Variants in LRP11 observed in about 807,000 individuals in gnomAD.
LRP11 encodes LDL receptor related protein 11, also known as low-density lipoprotein receptor-related protein 11.
Under a neutral mutation model 43.1 loss-of-function variants are expected in LRP11, and 25 were observed. That is an observed-to-expected ratio of 0.58 (90% CI 0.42 to 0.81). The LOEUF is 0.81. Ranked by LOEUF, LRP11 falls within the 30% of genes least tolerant of loss-of-function variation. The probability of loss-of-function intolerance (pLI) is 0.00; values close to 1 mark genes in which losing one functional copy is unlikely to be tolerated. For missense variants in LRP11, 623 were observed against 665.1 expected (o/e 0.94, Z 0.70); for synonymous variants, 316 against 299.4 (o/e 1.06, Z -0.57).
rs886376838 is a variant in LRP11, at chr6:149,853,127, T to C, written c.647A>G (p.Gln216Arg). 4.4e-6 allele frequency: 7 copies of C among 1,606,172 alleles called. No individual in the cohort carries two copies. The African/African-American group carries it at 5.4e-5, about 12-fold the overall frequency. The change falls in exon 2 of 7, where the codon CAG becomes CGG. Residue 216 changes from glutamine to arginine, a missense_variant. By Grantham distance (43) the Gln-to-Arg change is conservative. Transcript: ENST00000239367. ...KDAPPLSKAG[Q>R]DVVLHLPTDG... Reference sequence around the variant, plus strand: ...TGTGGGCAGATGCAGAACCACATCCTGCCCAGCCTTGCTAAGTGGAGGCGC... The same window carrying C: ...TGTGGGCAGATGCAGAACCACATCCCGCCCAGCCTTGCTAAGTGGAGGCGC...
At position 149,863,808 on chromosome 6, in the gene LRP11, A is replaced by T. The variant is rs753669231; in HGVS notation, c.213T>A (p.Pro71=). The T allele has an allele frequency of 6.7e-7, 1 of 1,503,110 alleles. No individual in the cohort carries two copies. The allele number at this position is 1,503,110 out of a possible 1,614,324, so 93.1% of individuals were successfully genotyped here. A position where few individuals can be genotyped will look rare whatever the true frequency, so the allele number is the denominator to read the frequency against. Residue 71 remains proline, a synonymous_variant, in exon 1 of 7, where the codon CCT becomes CCA. Transcript: ENST00000239367. ...GCAGCTCCAGCTCCAGCTCCTCCTG[A>T]GGCCGCTCCTGCTGCAGTTGCCGGC... ...EFRRQLQQER[P]QEELELELRA...
intron 6 of LRP11, among the ~76,000 whole-genome samples, chr6:149,825,878 A>G (rs1009550395): frequency 1.3e-5 from 2 of 152,094 alleles, no homozygotes; most frequent in Non-Finnish European, 1.5e-5. Context: ...TGAACTCCTG[A>G]GCTCAAGCGA....
At chr6:149,853,820 A>G (rs1776759206) in intron 1 of LRP11, among the ~76,000 whole-genome samples, 1 of 152,158 alleles carries the variant, frequency 6.6e-6, no homozygotes, top group African/African-American at 2.4e-5. Flanking sequence ...CCTTGAAAAG[A>G]TTATTAAAAC....
chr6:149,853,739 T>C (rs1776757766), intron 1 of LRP11, among the ~76,000 whole-genome samples: 2 of 152,220 alleles, frequency 1.3e-5, no homozygotes, highest in African/African-American at 4.8e-5. Flanking sequence ...CTCGAACTCC[T>C]GGCCTCAGGT....
At chr6:149,833,547 G>A (rs1489109457) in intron 5 of LRP11, among the ~76,000 whole-genome samples, 6 of 152,176 alleles carry the variant, frequency 3.9e-5, no homozygotes, top group African/African-American at 1.4e-4. Context: ...GAATAAATAT[G>A]TATATGTGTA....
rs369624767 is a variant in LRP11 at position 149,845,491 on chromosome 6, A to G, written c.772-2367T>C. On this transcript the variant is annotated intron_variant, in intron 2 of 6. Coordinates refer to ENST00000239367, the MANE Select transcript of LRP11 (RefSeq NM_032832.6). ...CACCTGCCTTTTGTTGTTTATTTCAAAGAGATGTTAAGCAGTGCTCACTGC... is the reference window on the plus strand; with the variant it reads ...CACCTGCCTTTTGTTGTTTATTTCAGAGAGATGTTAAGCAGTGCTCACTGC... Among the ~76,000 whole-genome samples, 84 of 152,318 alleles carry G rather than the reference A, an allele frequency of 5.5e-4. 2 individuals carry two copies. The South Asian group carries it at 0.017, about 30-fold the overall frequency.
chr6:149,823,958 C>T (rs1776307128), intron 6 of LRP11, among the ~76,000 whole-genome samples: 1 of 152,174 alleles, frequency 6.6e-6, no homozygotes, highest in African/African-American at 2.4e-5. Context: ...GTAGCTACTA[C>T]TGCCTCCTAG....
intron 6 of LRP11, among the ~76,000 whole-genome samples, chr6:149,821,017 A>T (rs1276247871): frequency 1.4e-5 from 2 of 139,610 alleles, no homozygotes; most frequent in African/African-American, 5.6e-5. Context: ...TGCAACCTCT[A>T]CCTCCTGGGT....
At chr6:149,853,925 AATGGGAAAT>A (rs1236648788) in intron 1 of LRP11, among the ~76,000 whole-genome samples, 1 of 152,190 alleles carries the variant, frequency 6.6e-6, no homozygotes, top group African/African-American at 2.4e-5. Flanking sequence ...GTATTCAATG[AATGGGAAAT>A]ATATTAAGTT....
At position 149,827,507 on chromosome 6, in the gene LRP11, G is replaced by C. The variant is rs187121891; in HGVS notation, c.1253-1148C>G. Among the ~76,000 whole-genome samples, 2,331 of 152,220 alleles carry C rather than the reference G, an allele frequency of 0.015. 69 individuals are homozygous for C. The highest frequency in any genetic ancestry group is 0.053 in the African/African-American group (2,199 of 41,516). On this transcript the variant is annotated intron_variant, in intron 5 of 6. Coordinates refer to ENST00000239367, the MANE Select transcript of LRP11 (RefSeq NM_032832.6). The surrounding 1 kb of genome is among the most constrained non-coding windows in gnomAD (Gnocchi z 4.2). Reference sequence around the variant, plus strand: ...TCATGCCTATAATCCTGGCACTTTGGGGACAGTCTACTGTGTCTTGTTACT... The same window carrying C: ...TCATGCCTATAATCCTGGCACTTTGCGGACAGTCTACTGTGTCTTGTTACT...
At chr6:149,843,322 G>A (rs1776580549) in intron 2 of LRP11, among the ~76,000 whole-genome samples, 198 bp from the exon 3 acceptor site, 1 of 152,164 alleles carries the variant, frequency 6.6e-6, no homozygotes, top group Non-Finnish European at 1.5e-5. Context: ...TATTTAGGTG[G>A]CCAAGGCCTT....
chr6:149,828,446 T>C lies in LRP11; in HGVS notation c.1253-2087A>G, dbSNP rs544434408. ...TTAACCACTGCTTTTATGGTGCAAA[T>C]CTCATGGTGTTGATATCCATATTGA... On this transcript the variant is annotated intron_variant, in intron 5 of 6. Coordinates refer to ENST00000239367, the MANE Select transcript of LRP11 (RefSeq NM_032832.6). Among the ~76,000 whole-genome samples, 3 of 152,132 alleles carry C rather than the reference T, an allele frequency of 2.0e-5. No individual in the cohort carries two copies. The East Asian group carries it at 5.8e-4, about 29-fold the overall frequency.
Position 149,827,185 on chromosome 6 carries a change from CAAGTGATCCGCTCACCTCAGCCTCCCA to C in LRP11, c.1253-853_1253-827del, listed in dbSNP as rs1337215674. Among the ~76,000 whole-genome samples, 1 of 151,986 alleles carries C rather than the reference CAAGTGATCCGCTCACCTCAGCCTCCCA, an allele frequency of 6.6e-6. No homozygotes were observed. Among genetic ancestry groups the C allele is most frequent in the African/African-American group, 2.4e-5 (1 of 41,378 alleles). On this transcript the variant is annotated intron_variant, in intron 5 of 6. Coordinates refer to ENST00000239367, the MANE Select transcript of LRP11 (RefSeq NM_032832.6). This position sits in a 1 kb window ranked among gnomAD's most constrained non-coding sequence, Gnocchi z 4.2. ...TTTTGCCATGTTCCCCAGATGGGCT[CAAGTGATCCGCTCACCTCAGCCTCCCA>C]AAGTGCTGGGATGACAGGCGTGAGC...
chr6:149,851,023 T>TC (rs1776711046), intron 2 of LRP11, among the ~76,000 whole-genome samples: 1 of 152,192 alleles, frequency 6.6e-6, no homozygotes, highest in Non-Finnish European at 1.5e-5. Flanking sequence ...GGATGAGTGT[T>TC]AACTTTGGGT....
At chr6:149,856,931 C>T (rs1280846337) in intron 1 of LRP11, among the ~76,000 whole-genome samples, 1 of 152,122 alleles carries the variant, frequency 6.6e-6, no homozygotes, top group East Asian at 1.9e-4. Flanking sequence ...CGGTCAAAAT[C>T]CATCATGGAT....
intron 2 of LRP11, among the ~76,000 whole-genome samples, chr6:149,849,338 T>C (rs1029622274): frequency 3.9e-5 from 6 of 151,972 alleles, no homozygotes; most frequent in Non-Finnish European, 7.3e-5. Flanking sequence ...ATCTTGCATT[T>C]TGATGTATTA....
intron 1 of LRP11, among the ~76,000 whole-genome samples, chr6:149,859,396 A>ATATATATATATTTTTTTTTTTTTTT: frequency 1.4e-5 from 1 of 71,496 alleles, no homozygotes; most frequent in African/African-American, 8.2e-5. Flanking sequence ...ATATATATAT[A>ATATATATATATTTTTTTTTTTTTTT]TTTTTTTTTT....
In LRP11 at chr6:149,834,131, G is replaced by C. The variant is rs143404148; in HGVS notation, c.1252+1954C>G. 4.6e-5 allele frequency among the ~76,000 whole-genome samples: 7 copies of C among 152,228 alleles called. No individual in the cohort carries two copies. In the East Asian group the frequency reaches 1.4e-3, roughly 29 times the overall value. On this transcript the variant is annotated intron_variant, in intron 5 of 6. Coordinates refer to ENST00000239367, the MANE Select transcript of LRP11 (RefSeq NM_032832.6). Reference sequence around the variant, plus strand: ...TCTAACGTGAGGACATGCAGTATTTGGTTTTCTGTTCCTGCGTTAGTTTGC... The same window carrying C: ...TCTAACGTGAGGACATGCAGTATTTCGTTTTCTGTTCCTGCGTTAGTTTGC...
At chr6:149,848,377 T>G (rs1416225851) in intron 2 of LRP11, among the ~76,000 whole-genome samples, 1 of 152,182 alleles carries the variant, frequency 6.6e-6, no homozygotes, top group Non-Finnish European at 1.5e-5. Context: ...ATCCCATTAC[T>G]AGGTATATAC....
Sources: gnomAD v4.1 joint callset for allele counts (sites outside exome capture counted in the v4.1 genomes callset) on GRCh38, gnomAD v4.1.1 for gene constraint, Gnocchi (gnomAD v3.1) non-coding constraint, MANE v1.5 for transcripts, NCBI Gene and HGNC (gene_info 2026-07-23, HGNC 2026-07-21) for gene names.